VSIG10: variants seen among roughly 807,000 people sequenced by gnomAD.
VSIG10 encodes V-set and immunoglobulin domain-containing protein 10.
Under a neutral mutation model 58.7 loss-of-function variants are expected in VSIG10, and 48 were observed. The ratio of observed to expected loss-of-function variants is 0.82; its 90% CI spans 0.65 to 1.04. VSIG10 has a LOEUF of 1.04. Among genes scored for constraint, VSIG10 ranks in the 50% least tolerant of loss-of-function variants. The probability of loss-of-function intolerance (pLI) is 0.00; values close to 1 mark genes in which losing one functional copy is unlikely to be tolerated. For missense variants in VSIG10, 628 were observed against 670.0 expected (o/e 0.94, Z 0.69); for synonymous variants, 260 against 267.1 (o/e 0.97, Z 0.26).
At chr12:118,066,772 A>C (rs1028655220) in intron 8 of VSIG10, 78 bp from the exon 9 acceptor site, 3 of 1,420,244 alleles carry the variant, frequency 2.1e-6, no homozygotes, top group Non-Finnish European at 2.9e-6. Flanking sequence ...CAATCATCTC[A>C]GTGATTTCTA....
chr12:118,099,201 C>T (rs1464528871), intron 1 of VSIG10, among the ~76,000 whole-genome samples: 6 of 152,006 alleles, frequency 3.9e-5, no homozygotes, highest in Non-Finnish European at 8.8e-5. Flanking sequence ...CTGCAGTGAG[C>T]CACAATTGTG....
At chr12:118,096,770 G>T (rs550992598) in intron 1 of VSIG10, among the ~76,000 whole-genome samples, 2 of 150,920 alleles carry the variant, frequency 1.3e-5, no homozygotes, top group African/African-American at 4.9e-5. Flanking sequence ...TGGGCGTAGC[G>T]GCTCATGCCT....
rs544179312 is a variant in VSIG10 at position 118,086,033 on chromosome 12, C to T, written c.362-3604G>A. ...AATTAGCCAGGCGTGATGGCAAATGCGTGTAATACCACCTACTTGGGAGGC... is the reference window on the plus strand; with the variant it reads ...AATTAGCCAGGCGTGATGGCAAATGTGTGTAATACCACCTACTTGGGAGGC... On this transcript the variant is annotated intron_variant, in intron 2 of 8. Transcript: ENST00000359236. Among the ~76,000 whole-genome samples, 7 of 151,772 alleles carry T rather than the reference C, an allele frequency of 4.6e-5. No individual in the cohort carries two copies. In the South Asian group the frequency reaches 1.5e-3, roughly 32 times the overall value.
In VSIG10 at chr12:118,082,243, A is replaced by C. The variant is rs1314010333; in HGVS notation, c.548T>G (p.Val183Gly). The C allele has an allele frequency of 5.0e-6, 8 of 1,613,786 alleles. No homozygotes were observed. In the Admixed American group the frequency reaches 1.2e-4, roughly 24 times the overall value. The change falls in exon 3 of 9, where the codon GTC (valine) becomes GGC (glycine). Residue 183 changes from valine to glycine, a missense_variant. Coordinates refer to ENST00000359236, the MANE Select transcript of VSIG10 (RefSeq NM_019086.6). ...TATCAGTAACAGTGAGAAAAAGTTG[A>C]CTGTCAGGTTGTGGCCAAAGGACTC... is the stretch of plus-strand genomic sequence containing the variant. Reference protein sequence around the residue: ...SSESFGHNLTVNFFSLLLISP... With the variant: ...SSESFGHNLTGNFFSLLLISP...
intron 4 of VSIG10, among the ~76,000 whole-genome samples, chr12:118,074,233 G>A (rs938915911): frequency 3.3e-5 from 5 of 151,808 alleles, no homozygotes; most frequent in African/African-American, 7.3e-5. Context: ...ACAGGCATGC[G>A]CCACCACACC....
chr12:118,102,632 T>A (rs1566182797), intron 1 of VSIG10: 1 of 152,046 alleles, frequency 6.6e-6, no homozygotes, highest in Non-Finnish European at 1.5e-5. Flanking sequence ...AGCCTAATAA[T>A]TAGGAACTCT....
intron 2 of VSIG10, among the ~76,000 whole-genome samples, chr12:118,084,845 C>A (rs1208446183): frequency 6.6e-6 from 1 of 152,168 alleles, no homozygotes; most frequent in African/African-American, 2.4e-5. Context: ...CGGTGAAACC[C>A]CGTCTCTACT....
intron 2 of VSIG10, among the ~76,000 whole-genome samples, chr12:118,088,935 TTA>T (rs2033212704): frequency 6.6e-6 from 1 of 151,916 alleles, no homozygotes; most frequent in African/African-American, 2.4e-5. Flanking sequence ...AGTGACATTT[TTA>T]TTCCTTTTTC....
intron 6 of VSIG10, 74 bp downstream of exon 6, chr12:118,071,285 A>C (rs2032478792): frequency 6.9e-7 from 1 of 1,445,262 alleles, no homozygotes. Context: ...GGAGCAAGGC[A>C]GGGGCCATCC....
At chr12:118,098,824 C>T (rs2033544402) in intron 1 of VSIG10, among the ~76,000 whole-genome samples, 2 of 152,198 alleles carry the variant, frequency 1.3e-5, no homozygotes, top group Non-Finnish European at 2.9e-5. Flanking sequence ...CCCAAAACAC[C>T]TAGATCAGAA....
chr12:118,099,365 C>T (rs2033563337), intron 1 of VSIG10, among the ~76,000 whole-genome samples: 1 of 152,008 alleles, frequency 6.6e-6, no homozygotes, highest in Non-Finnish European at 1.5e-5. Context: ...CTTTGAACTC[C>T]TGGACTCAAG....
At chr12:118,090,671 CAG>C (rs2033267761) in intron 2 of VSIG10, among the ~76,000 whole-genome samples, 1 of 152,136 alleles carries the variant, frequency 6.6e-6, no homozygotes, top group African/African-American at 2.4e-5. Flanking sequence ...TTTATTTTTT[CAG>C]AGACAGGGTC....
chr12:118,068,043 T>TTTTTTC (rs1414581904), intron 8 of VSIG10, among the ~76,000 whole-genome samples: 66 of 145,602 alleles, frequency 4.5e-4, no homozygotes, highest in African/African-American at 1.6e-3. Context: ...TTTTTTTTTT[T>TTTTTTC]TTCTGAGGCA....
rs1278135579 is a variant in VSIG10, at chr12:118,090,425, G to A, written c.361+5108C>T. On this transcript the variant is annotated intron_variant, in intron 2 of 8. Coordinates refer to ENST00000359236, the MANE Select transcript of VSIG10 (RefSeq NM_019086.6). ...CCTATTTCCAAATAAGCTCACATTCGTAGATACCAAAGGTTAGGACTTCCA... is the reference window on the plus strand; with the variant it reads ...CCTATTTCCAAATAAGCTCACATTCATAGATACCAAAGGTTAGGACTTCCA... Among the ~76,000 whole-genome samples, 8 of 152,294 alleles carry A rather than the reference G, an allele frequency of 5.3e-5. 1 individual carries two copies. Among genetic ancestry groups the A allele is most frequent in the East Asian group, 1.9e-4 (1 of 5,190 alleles).
chr12:118,090,074 G>A (rs2033248034), intron 2 of VSIG10, among the ~76,000 whole-genome samples: 1 of 152,192 alleles, frequency 6.6e-6, no homozygotes, highest in South Asian at 2.1e-4. Context: ...CACACTTTGG[G>A]AGGCTGAGGC....
intron 5 of VSIG10, among the ~76,000 whole-genome samples, chr12:118,072,921 GTATT>G (rs1196263262): frequency 1.3e-5 from 2 of 152,106 alleles, no homozygotes; most frequent in Non-Finnish European, 2.9e-5. Flanking sequence ...ATACTTAAAA[GTATT>G]TATTTTTCTA....
At chr12:118,084,499 C>A (rs1353564761) in intron 2 of VSIG10, among the ~76,000 whole-genome samples, 1 of 152,204 alleles carries the variant, frequency 6.6e-6, no homozygotes, top group African/African-American at 2.4e-5. Context: ...CAACAACCGA[C>A]TTTCTCTTGA....
intron 5 of VSIG10, 35 bp downstream of exon 5, chr12:118,073,664 A>C: frequency 6.5e-7 from 1 of 1,539,632 alleles, no homozygotes; most frequent in Non-Finnish European, 8.9e-7. Context: ...GAAGCTCTGA[A>C]CCCTCCCTCC....
At chr12:118,097,661 G>A (rs1207019546) in intron 1 of VSIG10, among the ~76,000 whole-genome samples, 2 of 150,804 alleles carry the variant, frequency 1.3e-5, no homozygotes, top group Non-Finnish European at 2.9e-5. Context: ...CGGGCTCCAC[G>A]CCTGTAATCC....
Sources: allele counts gnomAD v4.1 joint callset (sites outside exome capture counted in the v4.1 genomes callset), GRCh38; gene constraint gnomAD v4.1.1; transcripts MANE v1.5; gene names NCBI Gene and HGNC (gene_info 2026-07-23, HGNC 2026-07-21).